PCDHGB1: variants seen among roughly 807,000 people sequenced by gnomAD.
The protein encoded by PCDHGB1 is protocadherin gamma-B1.
In PCDHGB1, 34 loss-of-function variants were observed where a neutral mutation model predicts 56.6. The ratio of observed to expected loss-of-function variants is 0.60; its 90% CI spans 0.46 to 0.80. The LOEUF (loss-of-function observed/expected upper bound fraction) is 0.80. PCDHGB1 is among the 30% of genes least tolerant of loss of function. The pLI, the probability that PCDHGB1 is intolerant of heterozygous loss-of-function variation, is 0.00. For missense variants in PCDHGB1, 1,278 were observed against 1,204.6 expected, an observed-to-expected ratio of 1.06 and a Z score of -0.90; for synonymous variants, 561 against 505.9, an observed-to-expected ratio of 1.11 and a Z score of -1.46.
Position 141,351,103 on chromosome 5 carries a change from C to G in PCDHGB1, c.843C>G (p.Ser281=), listed in dbSNP as rs547716264. The stretch of plus-strand genomic sequence containing the variant: ...AGATCACCTATGCCTTCCTCAATTC[C>G]CCAATAAGTACCAGCCTCTTCAATC... The part of the protein sequence containing the change: ...NAEITYAFLN[S]PISTSLFNLN... Residue 281 remains serine (S), a synonymous_variant, in exon 1 of 4, where the codon TCC becomes TCG. Coordinates refer to ENST00000523390, the MANE Select transcript of PCDHGB1 (RefSeq NM_018922.3). The G allele has an allele frequency of 1.2e-5, 19 of 1,614,056 alleles. No homozygotes were observed. In the South Asian group the frequency reaches 2.0e-4, roughly 17 times the overall value.
intron 1 of PCDHGB1, chr5:141,377,040 T>G (rs1229321442): frequency 1.9e-5 from 3 of 154,184 alleles, no homozygotes; most frequent in African/African-American, 7.2e-5. Flanking sequence ...CTTTGATTAG[T>G]GCTTAGTTTT....
rs918375556 is a variant in PCDHGB1, at chr5:141,489,318, G to C, written c.2410-5489G>C. 6.3e-7 allele frequency: 1 copy of C among 1,598,974 alleles called. No individual in the cohort carries two copies. Among genetic ancestry groups the C allele is most frequent in the African/African-American group, 1.3e-5 (1 of 74,510 alleles). On this transcript the variant is annotated intron_variant, in intron 1 of 3. Coordinates refer to ENST00000523390, the MANE Select transcript of PCDHGB1 (RefSeq NM_018922.3). The surrounding 1 kb of genome is among the most constrained non-coding windows in gnomAD (Gnocchi z 4.5). ...TGTTGTCCTTGTGCTGCTGGGGCTG[G>C]GTGTCTGGGCAGCTTCGTTACTCAG...
rs201850389 is a variant in PCDHGB1, at chr5:141,371,846, T to A, written c.2409+19177T>A. 284 of 1,613,662 alleles carry A rather than the reference T, an allele frequency of 1.8e-4. 1 individual carries two copies. Among genetic ancestry groups the A allele is most frequent in the Admixed American group, 2.0e-4 (12 of 60,036 alleles). On this transcript the variant is annotated intron_variant, in intron 1 of 3. Coordinates refer to ENST00000523390, the MANE Select transcript of PCDHGB1 (RefSeq NM_018922.3). Reference sequence around the variant, plus strand: ...CCTCGGATCCCGACTTGGGACCTAATGGCCTTGTCTCCTACTACATCGTGG... The same window carrying A: ...CCTCGGATCCCGACTTGGGACCTAAAGGCCTTGTCTCCTACTACATCGTGG...
chr5:141,495,839 A>G (rs2099764148), intron 2 of PCDHGB1, among the ~76,000 whole-genome samples: 1 of 150,756 alleles, frequency 6.6e-6, no homozygotes, highest in South Asian at 2.1e-4. Flanking sequence ...CCCAGCCTCT[A>G]TGTTTCTCTG....
chr5:141,413,122 G>A, intron 1 of PCDHGB1: 1 of 1,525,890 alleles, frequency 6.6e-7, no homozygotes. Flanking sequence ...GGAACCGGTT[G>A]AAACACACAA....
At chr5:141,374,728 GGATGGCGGCGACCCT>G (rs1422312768) in intron 1 of PCDHGB1, 1 of 1,610,428 alleles carries the variant, frequency 6.2e-7, no homozygotes, top group Admixed American at 1.7e-5. Context: ...TTACTGCCAT[GGATGGCGGCGACCCT>G]GTCCGCTCAA....
intron 1 of PCDHGB1, chr5:141,416,818 C>T (rs766541497): frequency 9.9e-5 from 15 of 151,960 alleles, no homozygotes; most frequent in Admixed American, 2.6e-4. Flanking sequence ...AAAAGCATTC[C>T]GAAGTTTCTC....
At chr5:141,398,036 A>C (rs151208588) in intron 1 of PCDHGB1, 2 of 1,478,020 alleles carry the variant, frequency 1.4e-6, no homozygotes, top group African/African-American at 2.8e-5. Context: ...CTGGAACTAA[A>C]GCCCGTTCGG....
intron 1 of PCDHGB1, chr5:141,384,851 A>G (rs1460277994): frequency 1.9e-6 from 3 of 1,613,516 alleles, no homozygotes; most frequent in East Asian, 2.2e-5. Flanking sequence ...GACCACGGTC[A>G]GCCTCCTCTG....
At chr5:141,360,028 A>T in intron 1 of PCDHGB1, 1 of 1,360,274 alleles carries the variant, frequency 7.4e-7, no homozygotes, top group Non-Finnish European at 9.8e-7. Flanking sequence ...AGGCCAGTAT[A>T]GATTCGGAAA....
At chr5:141,407,563 A>T (rs1483622352) in intron 1 of PCDHGB1, among the ~76,000 whole-genome samples, 1 of 152,032 alleles carries the variant, frequency 6.6e-6, no homozygotes, top group Non-Finnish European at 1.5e-5. Context: ...ACATAAGCTG[A>T]AAGATAAAAT....
Position 141,491,274 on chromosome 5 carries a change from T to C in PCDHGB1, c.2410-3533T>C, listed in dbSNP as rs2099710140. On this transcript the variant is annotated intron_variant, in intron 1 of 3. Transcript: ENST00000523390. The surrounding 1 kb of genome is among the most constrained non-coding windows in gnomAD (Gnocchi z 6.9). ...ACCCTGAGGAAATGCCCAAATCCAG[T>C]GACTTCCTCATACACCCTCCTGAGC... The C allele has an allele frequency of 6.2e-7, 1 of 1,614,102 alleles. No individual in the cohort carries two copies. Among genetic ancestry groups the C allele is most frequent in the Non-Finnish European group, 8.5e-7 (1 of 1,179,914 alleles).
rs1353944459 is a variant in PCDHGB1, at chr5:141,365,774, G to A, written c.2409+13105G>A. 3 of 1,613,874 alleles carry A rather than the reference G, an allele frequency of 1.9e-6. No individual in the cohort carries two copies. The highest frequency in any genetic ancestry group is 1.3e-5 in the African/African-American group (1 of 75,032). On this transcript the variant is annotated intron_variant, in intron 1 of 3. Transcript: ENST00000523390. ...TGTGACAGCCCATGACCCCGACAGC[G>A]GCGACAACGCTCGAGTCACCTACTC...
chr5:141,362,454 A>G (rs1762511081), intron 1 of PCDHGB1: 1 of 1,614,056 alleles, frequency 6.2e-7, no homozygotes, highest in Non-Finnish European at 8.5e-7. Flanking sequence ...TAACCCCGGA[A>G]TTGGTTCCCG....
chr5:141,398,083 C>G, intron 1 of PCDHGB1: 1 of 1,599,552 alleles, frequency 6.3e-7, no homozygotes, highest in Non-Finnish European at 8.5e-7. Context: ...TTATTTGTAA[C>G]CTGGCGTCTC....
chr5:141,489,148 C>G lies in PCDHGB1; in HGVS notation c.2410-5659C>G. 1 of 895,318 alleles carries G rather than the reference C, an allele frequency of 1.1e-6. No individual in the cohort carries two copies. Among genetic ancestry groups the G allele is most frequent in the Non-Finnish European group, 1.7e-6 (1 of 589,254 alleles). The allele number at this position is 895,318 out of a possible 1,614,324, so 55.5% of individuals were successfully genotyped here. A position where few individuals can be genotyped will look rare whatever the true frequency, so the allele number is the denominator to read the frequency against. ...CAGTTTTTAAGAGGCTGGAAGGAGA[C>G]ATAAGAGACTTCAGCTGCTGCATTC... On this transcript the variant is annotated intron_variant, in intron 1 of 3. Transcript: ENST00000523390. This position sits in a 1 kb window ranked among gnomAD's most constrained non-coding sequence, Gnocchi z 4.5.
chr5:141,415,375 G>A (rs1453832867), intron 1 of PCDHGB1: 12 of 1,614,258 alleles, frequency 7.4e-6, no homozygotes, highest in South Asian at 1.1e-5. Context: ...GGCTTCAGGA[G>A]GCGGCTTGAC....
intron 1 of PCDHGB1, among the ~76,000 whole-genome samples, chr5:141,380,010 C>T (rs1404064282): frequency 6.7e-6 from 1 of 148,282 alleles, no homozygotes; most frequent in Admixed American, 6.9e-5. Flanking sequence ...AGCGATTCTC[C>T]TGCCTCAGCC....
intron 1 of PCDHGB1, among the ~76,000 whole-genome samples, chr5:141,470,068 G>A (rs1269966360): frequency 6.6e-6 from 1 of 152,240 alleles, no homozygotes; most frequent in East Asian, 1.9e-4. Flanking sequence ...GGCAGAGACT[G>A]TAGTGATCTG....
Sources: allele counts gnomAD v4.1 joint callset (sites outside exome capture counted in the v4.1 genomes callset), GRCh38; gene constraint gnomAD v4.1.1; non-coding constraint Gnocchi (gnomAD v3.1); transcripts MANE v1.5; gene names NCBI Gene and HGNC (gene_info 2026-07-23, HGNC 2026-07-21).